The following B4GALT1 variants were observed in gnomAD, a reference collection of about 807,000 sequenced individuals.
B4GALT1 encodes beta-1,4-galactosyltransferase 1.
B4GALT1 carries 16 observed loss-of-function variants against 34.9 expected under a neutral mutation model. The observed-to-expected ratio is 0.46, with a 90% confidence interval of 0.31 to 0.70. The LOEUF (loss-of-function observed/expected upper bound fraction) is 0.70, where lower values mean the gene tolerates loss of function less well. Ranked by LOEUF, B4GALT1 falls within the 30% of genes least tolerant of loss-of-function variation. The pLI, the probability that B4GALT1 is intolerant of heterozygous loss-of-function variation, is 0.05. For missense variants in B4GALT1, 445 were observed against 530.5 expected (o/e 0.84, Z 1.58); for synonymous variants, 221 against 218.1 (o/e 1.01, Z -0.12).
At position 33,150,270 on chromosome 9, in the gene B4GALT1, C is replaced by CGAGA. The variant is rs375327326; in HGVS notation, c.413-14850_413-14847dup. Among the ~76,000 whole-genome samples, 184 of 87,924 alleles carry CGAGA rather than the reference C, an allele frequency of 2.1e-3. 1 individual carries two copies. Among genetic ancestry groups the CGAGA allele is most frequent in the Admixed American group, 4.0e-3 (34 of 8,502 alleles). The allele number at this position is 87,924 out of a possible 152,430, so 57.7% of individuals were successfully genotyped here. On this transcript the variant is annotated intron_variant, in intron 1 of 5. Coordinates refer to ENST00000379731, the MANE Select transcript of B4GALT1 (RefSeq NM_001497.4). Reference sequence around the variant, plus strand: ...CACACACACACACACACACACAGAGCGAGAGAGAGAGAGAGAGAGAAGGAA... The same window carrying CGAGA: ...CACACACACACACACACACACAGAGCGAGAGAGAGAGAGAGAGAGAGAGAAGGAA...
downstream of B4GALT1, chr9:33,110,527 G>T (rs2117986000): frequency 6.6e-6 from 1 of 152,306 alleles, no homozygotes; most frequent in Middle Eastern, 3.4e-3. Context: ...GGAAATGTCT[G>T]ATTCCAGGGA....
At chr9:33,167,873 C>T (rs1424558540), upstream of B4GALT1, among the ~76,000 whole-genome samples, 1 of 152,214 alleles carries the variant, frequency 6.6e-6, no homozygotes, top group Non-Finnish European at 1.5e-5. Flanking sequence ...GAAACCCCCT[C>T]CCTAACTCAG....
chr9:33,113,122 C>T lies in B4GALT1; in HGVS notation c.*332G>A, dbSNP rs992309306. Reference sequence around the variant, plus strand: ...TAAAGAAAAATTCTAACCTATTTCACGACAATTTAGCAATTCTATCACCGG... The same window carrying T: ...TAAAGAAAAATTCTAACCTATTTCATGACAATTTAGCAATTCTATCACCGG... On this transcript the variant is annotated 3_prime_UTR_variant, in exon 6 of 6. Coordinates refer to ENST00000379731, the MANE Select transcript of B4GALT1 (RefSeq NM_001497.4). 6 of 336,562 alleles carry T rather than the reference C, an allele frequency of 1.8e-5. No individual in the cohort carries two copies. The highest frequency in any genetic ancestry group is 1.4e-4 in the South Asian group (4 of 28,696). The allele number at this position is 336,562 out of a possible 1,614,324, so 20.8% of individuals were successfully genotyped here.
chr9:33,141,177 T>C (rs1249394214), intron 1 of B4GALT1, among the ~76,000 whole-genome samples: 4 of 151,996 alleles, frequency 2.6e-5, no homozygotes, highest in Non-Finnish European at 2.9e-5. Context: ...CAGGGGTTGG[T>C]AGGGGAGTGG....
chr9:33,141,426 A>T (rs1304079293), intron 1 of B4GALT1, among the ~76,000 whole-genome samples: 1 of 152,126 alleles, frequency 6.6e-6, no homozygotes, highest in Admixed American at 6.5e-5. Context: ...CTGAGGCAGG[A>T]GAATCTCTTG....
rs998664101 is a variant in B4GALT1, at chr9:33,139,538, C to T, written c.413-4114G>A. On this transcript the variant is annotated intron_variant, in intron 1 of 5. Coordinates refer to ENST00000379731, the MANE Select transcript of B4GALT1 (RefSeq NM_001497.4). The stretch of plus-strand genomic sequence containing the variant: ...CAACAGACAGCAGCCCCAGACCTGG[C>T]GTTGAATGACTAATTGGGTCGAGTG... Among the ~76,000 whole-genome samples, 19 of 152,174 alleles carry T rather than the reference C, an allele frequency of 1.2e-4. No homozygotes were observed. In the East Asian group the frequency reaches 2.9e-3, roughly 23 times the overall value.
At chr9:33,129,575 G>A (rs1840163095) in intron 2 of B4GALT1, among the ~76,000 whole-genome samples, 2 of 152,204 alleles carry the variant, frequency 1.3e-5, no homozygotes, top group Non-Finnish European at 2.9e-5. Flanking sequence ...CACTGACTGC[G>A]TCTGTACTGA....
At chr9:33,108,073 C>T (rs1315600749), downstream of B4GALT1, among the ~76,000 whole-genome samples, 8 of 152,176 alleles carry the variant, frequency 5.3e-5, no homozygotes, top group Admixed American at 2.0e-4. Context: ...CATATGCCCA[C>T]GTGAATTTCA....
intron 1 of B4GALT1, among the ~76,000 whole-genome samples, chr9:33,152,451 C>T (rs752133075): frequency 7.4e-6 from 1 of 135,432 alleles, no homozygotes; most frequent in Non-Finnish European, 1.6e-5. Flanking sequence ...ATGTAATAAA[C>T]AAGAAAAATC....
At chr9:33,177,416 G>T in the B4GALT1 span, 1 of 152,174 alleles carries the variant, frequency 6.6e-6, no homozygotes, top group Admixed American at 6.5e-5. Context: ...ATTATCTATT[G>T]CAGGGGTTGG....
chr9:33,148,824 C>T (rs139820988), intron 1 of B4GALT1, among the ~76,000 whole-genome samples: 1,928 of 108,324 alleles, frequency 0.018, 16 homozygotes, highest in Non-Finnish European at 0.025. Context: ...AAAAAAAATG[C>T]TCAAAGAGTA....
chr9:33,144,293 G>A (rs1840394577), intron 1 of B4GALT1, among the ~76,000 whole-genome samples: 1 of 152,106 alleles, frequency 6.6e-6, no homozygotes, highest in South Asian at 2.1e-4. Context: ...GAGTGCAGTG[G>A]TGCGATCTCA....
intron 2 of B4GALT1, among the ~76,000 whole-genome samples, chr9:33,126,326 A>C (rs1297714003): frequency 1.3e-5 from 2 of 152,198 alleles, no homozygotes; most frequent in Non-Finnish European, 2.9e-5. Context: ...CTGGGAGATG[A>C]TCCCCAGAGA....
Position 33,156,219 on chromosome 9 carries a change from C to T in B4GALT1, c.412+10539G>A, listed in dbSNP as rs575548050. ...CCTGATGTGGGCTCACTGCAACCTC[C>T]GCCTCCCAGGTTCAAGCCATTCTCC... On this transcript the variant is annotated intron_variant, in intron 1 of 5. Transcript: ENST00000379731. Among the ~76,000 whole-genome samples, 74 of 152,032 alleles carry T rather than the reference C, an allele frequency of 4.9e-4. No homozygotes were observed. The South Asian group carries it at 5.8e-3, about 12-fold the overall frequency.
At chr9:33,114,706 T>C (rs1839914656) in intron 4 of B4GALT1, among the ~76,000 whole-genome samples, 1 of 152,162 alleles carries the variant, frequency 6.6e-6, no homozygotes, top group African/African-American at 2.4e-5. Context: ...AATGAAAGCC[T>C]GGAGAGCAGG....
chr9:33,113,599 G>A lies in B4GALT1; in HGVS notation c.1065-13C>T, dbSNP rs1162446021. 6.2e-7 allele frequency: 1 copy of A among 1,614,078 alleles called. No homozygotes were observed. The highest frequency in any genetic ancestry group is 8.5e-7 in the Non-Finnish European group (1 of 1,180,038). On this transcript the variant is annotated splice_polypyrimidine_tract_variant and intron_variant, in intron 5 of 5. Transcript: ENST00000379731. ...AATTCGGTCAAACCTACAAGGAAAA[G>A]AGCACAAGGAGATTGTCTTAAAACA...
In B4GALT1 at chr9:33,113,301, G is replaced by C; in HGVS notation, c.*153C>G. 5 of 1,174,436 alleles carry C rather than the reference G, an allele frequency of 4.3e-6. No individual in the cohort carries two copies. The South Asian group carries it at 5.1e-5, about 12-fold the overall frequency. The allele number at this position is 1,174,436 out of a possible 1,614,324, so 72.8% of individuals were successfully genotyped here. On this transcript the variant is annotated 3_prime_UTR_variant, in exon 6 of 6. Coordinates refer to ENST00000379731, the MANE Select transcript of B4GALT1 (RefSeq NM_001497.4). ...AAGTTGGGGGCAAAATATCCCACTC[G>C]TCCTGGTCATCTGGAAAGCCATCTG...
At chr9:33,166,682 G>A in intron 1 of B4GALT1, 76 bp downstream of exon 1, 1 of 1,410,388 alleles carries the variant, frequency 7.1e-7, no homozygotes, top group Non-Finnish European at 9.3e-7. Context: ...CCAGCCTGAG[G>A]GAATGTCTGG....
At chr9:33,129,491 C>T (rs1201664724) in intron 2 of B4GALT1, among the ~76,000 whole-genome samples, 1 of 152,106 alleles carries the variant, frequency 6.6e-6, no homozygotes, top group East Asian at 1.9e-4. Context: ...AGGCAGAAGA[C>T]CAGGAGTAGG....
Sources: allele counts gnomAD v4.1 joint callset (sites outside exome capture counted in the v4.1 genomes callset), GRCh38; gene constraint gnomAD v4.1.1; transcripts MANE v1.5; gene names NCBI Gene and HGNC (gene_info 2026-07-23, HGNC 2026-07-21).